ZFHX3: variants seen among roughly 807,000 people sequenced by gnomAD.
ZFHX3 encodes zinc finger homeobox 3.
A neutral mutation model predicts 279.1 loss-of-function variants in ZFHX3; 42 were observed. That is an observed-to-expected ratio of 0.15 (90% confidence interval 0.12 to 0.19). The LOEUF (loss-of-function observed/expected upper bound fraction) is 0.19. Among genes scored for constraint, ZFHX3 ranks in the 10% least tolerant of loss-of-function variants. ZFHX3 has a pLI of 1.00. For synonymous variants in ZFHX3, 2,293 were observed against 1,957.8 expected (o/e 1.17, Z -4.52); for missense variants, 4,981 against 4,754.0 (o/e 1.05, Z -1.40).
At position 73,114,840 on chromosome 16, in the gene ZFHX3, A is replaced by G. The variant is rs529896052; in HGVS notation, c.-897+16128T>C. Among the ~76,000 whole-genome samples the G allele has an allele frequency of 6.6e-5, 10 of 152,282 alleles. No individual in the cohort carries two copies. In the South Asian group the frequency reaches 1.5e-3, roughly 22 times the overall value. ...ATTTCCTAATTTTAGTTTGTTTTTA[A>G]AGAGATGGGGTCTTGCTGTGTTGCT... is the stretch of plus-strand genomic sequence containing the variant. On this transcript the variant is annotated intron_variant, in intron 7 of 17. Transcript: ENST00000641206.
At chr16:72,800,518 A>C (rs2036064781) in intron 7 of ZFHX3, among the ~76,000 whole-genome samples, 1 of 152,184 alleles carries the variant, frequency 6.6e-6, no homozygotes, top group South Asian at 2.1e-4. Flanking sequence ...TAATTAAATC[A>C]TACCTAGTAA....
At chr16:73,145,716 A>C (rs892888032) in intron 5 of ZFHX3, among the ~76,000 whole-genome samples, 3 of 152,228 alleles carry the variant, frequency 2.0e-5, no homozygotes, top group African/African-American at 7.2e-5. Context: ...TCTGGAACTG[A>C]GAGCTATGAG....
At chr16:73,474,169 G>A (rs56688923) in intron 2 of ZFHX3, among the ~76,000 whole-genome samples, 139 of 151,790 alleles carry the variant, frequency 9.2e-4, no homozygotes, top group African/African-American at 3.1e-3. Flanking sequence ...ACAGAGTCTC[G>A]CTCTCTCTCA....
chr16:73,717,778 G>C (rs1213896044), intron 1 of ZFHX3, among the ~76,000 whole-genome samples: 1 of 152,150 alleles, frequency 6.6e-6, no homozygotes, highest in East Asian at 1.9e-4. Flanking sequence ...CAGTTCATTA[G>C]CCATGAAAAG....
intron 3 of ZFHX3, among the ~76,000 whole-genome samples, chr16:72,947,516 T>C (rs1487644009): frequency 6.6e-6 from 1 of 152,102 alleles, no homozygotes; most frequent in Admixed American, 6.5e-5. Context: ...TTGAATCTCC[T>C]GAGAATGCAG....
Position 73,143,832 on chromosome 16 carries a change from C to G in ZFHX3, c.-1103-1G>C. The G allele has an allele frequency of 7.8e-7, 1 of 1,283,436 alleles. No homozygotes were observed. The highest frequency in any genetic ancestry group is 1.0e-6 in the Non-Finnish European group (1 of 972,520). The allele number at this position is 1,283,436 out of a possible 1,614,324, so 79.5% of individuals were successfully genotyped here. A position where few individuals can be genotyped will look rare whatever the true frequency, so the allele number is the denominator to read the frequency against. The stretch of plus-strand genomic sequence containing the variant: ...GGGGTTGTAACTTATATCTTCCGAG[C>G]TGAAGAAGAAAAGAAAGGACAAAAA... On this transcript the variant is annotated splice_acceptor_variant, in intron 5 of 17. Transcript: ENST00000641206. LOFTEE classifies it low-confidence loss of function (5UTR_SPLICE).
chr16:73,120,714 G>T (rs112982654), intron 7 of ZFHX3, among the ~76,000 whole-genome samples: 1 of 143,626 alleles, frequency 7.0e-6, no homozygotes, highest in Non-Finnish European at 1.5e-5. Context: ...GAGTGCAGTG[G>T]CAGGATCTTG....
chr16:73,089,180 T>C (rs1203627319), intron 8 of ZFHX3, among the ~76,000 whole-genome samples: 2 of 152,164 alleles, frequency 1.3e-5, no homozygotes, highest in Non-Finnish European at 2.9e-5. Context: ...CTCAGCTCAC[T>C]GCAACCTCCG....
At chr16:73,304,974 A>G (rs1220217753) in intron 4 of ZFHX3, among the ~76,000 whole-genome samples, 1 of 152,174 alleles carries the variant, frequency 6.6e-6, no homozygotes, top group Non-Finnish European at 1.5e-5. Flanking sequence ...GCCGTCTGGA[A>G]GATAGATTCC....
At chr16:72,882,305 G>A (rs1317871199) in intron 4 of ZFHX3, among the ~76,000 whole-genome samples, 4 of 151,660 alleles carry the variant, frequency 2.6e-5, no homozygotes, top group Non-Finnish European at 5.9e-5. Context: ...ATGGAAGACA[G>A]CCTGGAGCCC....
intron 5 of ZFHX3, among the ~76,000 whole-genome samples, chr16:73,217,086 G>A (rs2012238122): frequency 6.6e-6 from 1 of 152,158 alleles, no homozygotes; most frequent in Non-Finnish European, 1.5e-5. Flanking sequence ...AGTTGATTTG[G>A]TCATAGTTTT....
chr16:73,395,587 T>C (rs931419446), intron 3 of ZFHX3, among the ~76,000 whole-genome samples: 1 of 152,190 alleles, frequency 6.6e-6, no homozygotes, highest in Non-Finnish European at 1.5e-5. Flanking sequence ...CCACAGCATC[T>C]AGAGTTGTAG....
At chr16:73,187,734 G>C (rs1967945531) in intron 5 of ZFHX3, among the ~76,000 whole-genome samples, 1 of 152,242 alleles carries the variant, frequency 6.6e-6, no homozygotes, top group Non-Finnish European at 1.5e-5. Context: ...TTGTTCACGT[G>C]AAGTGGTGAC....
chr16:72,938,911 G>A (rs1326401766), intron 3 of ZFHX3, among the ~76,000 whole-genome samples: 1 of 152,118 alleles, frequency 6.6e-6, no homozygotes, highest in Non-Finnish European at 1.5e-5. Flanking sequence ...ACCAGAAAGT[G>A]AACAACCACG....
At chr16:73,620,666 G>A (rs766689401) in intron 2 of ZFHX3, among the ~76,000 whole-genome samples, 6 of 152,094 alleles carry the variant, frequency 3.9e-5, no homozygotes, top group Non-Finnish European at 5.9e-5. Context: ...CCTAAGTGAC[G>A]ACAATACCTT....
intron 3 of ZFHX3, among the ~76,000 whole-genome samples, chr16:72,929,879 C>T (rs1959693189): frequency 6.6e-6 from 1 of 152,196 alleles, no homozygotes; most frequent in South Asian, 2.1e-4. Context: ...GCTCCCAGCC[C>T]CCCAGCATGA....
chr16:73,544,064 G>A (rs534211352), intron 2 of ZFHX3: 1 of 152,356 alleles, frequency 6.6e-6, no homozygotes, highest in South Asian at 2.1e-4. Context: ...CGGCCCTAAT[G>A]AAGCATCGAT....
intron 1 of ZFHX3, among the ~76,000 whole-genome samples, chr16:73,822,089 C>T (rs1567421819): frequency 1.3e-5 from 2 of 152,204 alleles, no homozygotes; most frequent in African/African-American, 4.8e-5. Context: ...GACATCTCCC[C>T]TGGCATCATC....
chr16:73,811,438 C>CTTTTTTT (rs34134056), intron 1 of ZFHX3, among the ~76,000 whole-genome samples: 6 of 106,574 alleles, frequency 5.6e-5, no homozygotes, highest in Non-Finnish European at 7.5e-5. Flanking sequence ...TCAGTCTCTT[C>CTTTTTTT]TTTTTTTTTT....
Sources: allele counts gnomAD v4.1 joint callset (sites outside exome capture counted in the v4.1 genomes callset), GRCh38; gene constraint gnomAD v4.1.1; transcripts MANE v1.5; gene names NCBI Gene and HGNC (gene_info 2026-07-23, HGNC 2026-07-21).